Variants in RAD51B observed in about 807,000 individuals in gnomAD.
RAD51B encodes DNA repair protein RAD51 homolog 2.
RAD51B carries 38 observed loss-of-function variants against 42.2 expected under a neutral mutation model. That is an observed-to-expected ratio of 0.90 (90% CI 0.70 to 1.18). RAD51B has a LOEUF of 1.18. Among genes scored for constraint, RAD51B ranks in the 50% most tolerant of loss-of-function variants. The probability of loss-of-function intolerance (pLI) is 0.00; values close to 1 mark genes in which losing one functional copy is unlikely to be tolerated. For synonymous variants in RAD51B, 154 were observed against 145.2 expected, an observed-to-expected ratio of 1.06 and a Z score of -0.43; for missense variants, 373 against 400.7, an observed-to-expected ratio of 0.93 and a Z score of 0.59.
intron 7 of RAD51B, among the ~76,000 whole-genome samples, chr14:68,080,238 A>G (rs1437809272): frequency 6.6e-6 from 1 of 152,198 alleles, no homozygotes; most frequent in Admixed American, 6.5e-5. Context: ...GAATTTAAGG[A>G]TGAATGGGCT....
At chr14:68,088,541 A>G (rs1050748518) in intron 7 of RAD51B, among the ~76,000 whole-genome samples, 2 of 151,420 alleles carry the variant, frequency 1.3e-5, no homozygotes, top group Admixed American at 6.6e-5. Flanking sequence ...ATTTGCTGCT[A>G]TCAATTATGC....
chr14:68,319,680 A>G (rs1229151899), intron 8 of RAD51B, among the ~76,000 whole-genome samples: 1 of 152,170 alleles, frequency 6.6e-6, no homozygotes, highest in African/African-American at 2.4e-5. Flanking sequence ...GCTTTAACTC[A>G]GAGGATCAGG....
intron 10 of RAD51B, among the ~76,000 whole-genome samples, chr14:68,622,921 A>T (rs903090041): frequency 6.6e-6 from 1 of 151,992 alleles, no homozygotes; most frequent in Non-Finnish European, 1.5e-5. Context: ...ACCATGGAGA[A>T]CTCTGTAAAT....
At chr14:67,838,669 T>C (rs758524981) in intron 4 of RAD51B, among the ~76,000 whole-genome samples, 32 of 152,226 alleles carry the variant, frequency 2.1e-4, no homozygotes, top group Non-Finnish European at 3.8e-4. Flanking sequence ...GGTCTTGAAC[T>C]CCTGACCTCA....
At chr14:68,381,009 G>A (rs1013500389) in intron 8 of RAD51B, among the ~76,000 whole-genome samples, 3 of 152,202 alleles carry the variant, frequency 2.0e-5, no homozygotes, top group Non-Finnish European at 4.4e-5. Context: ...GCAGAATATA[G>A]AGCCATGAAT....
intron 9 of RAD51B, among the ~76,000 whole-genome samples, chr14:68,436,516 T>C (rs1359595601): frequency 6.6e-6 from 1 of 152,172 alleles, no homozygotes; most frequent in Non-Finnish European, 1.5e-5. Flanking sequence ...GCTTTTTGGT[T>C]CCATGTGAAT....
At chr14:68,461,339 A>G (rs1469414050) in intron 9 of RAD51B, among the ~76,000 whole-genome samples, 18 of 52,208 alleles carry the variant, frequency 3.4e-4, no homozygotes, top group East Asian at 9.8e-4. Flanking sequence ...ATGCAGGGAA[A>G]AAAAAAAAAA....
intron 10 of RAD51B, chr14:68,563,013 G>A: frequency 6.1e-6 from 6 of 985,420 alleles, no homozygotes; most frequent in Non-Finnish European, 7.2e-6. Context: ...TCACGGCTGG[G>A]CATGATGAGA....
intron 11 of RAD51B, among the ~76,000 whole-genome samples, chr14:68,663,082 C>A (rs1892965951): frequency 6.6e-6 from 1 of 152,232 alleles, no homozygotes; most frequent in Non-Finnish European, 1.5e-5. Flanking sequence ...GGGTGGATCA[C>A]CTGAGGTCCG....
chr14:67,831,860 A>G (rs1042209086), intron 3 of RAD51B, among the ~76,000 whole-genome samples: 4 of 152,028 alleles, frequency 2.6e-5, no homozygotes, highest in African/African-American at 9.7e-5. Flanking sequence ...TCTTTTTTTG[A>G]CTTACCGAAT....
At chr14:68,180,327 T>C (rs539350281) in intron 7 of RAD51B, among the ~76,000 whole-genome samples, 3 of 152,318 alleles carry the variant, frequency 2.0e-5, no homozygotes, top group Admixed American at 6.5e-5. Context: ...TGCTTACTAA[T>C]GGCTCAGTTT....
In RAD51B at chr14:68,292,038, T is replaced by G. The variant is rs2081527994; in HGVS notation, c.853+58T>G. 3.5e-6 allele frequency: 5 copies of G among 1,429,668 alleles called. No individual in the cohort carries two copies. In the Admixed American group the frequency reaches 5.0e-5, roughly 14 times the overall value. 88.6% of individuals were successfully genotyped at this position (1,429,668 alleles called of 1,614,324 possible). ...GACACTGACATAGAGCCCCACTGCC[T>G]CTCCACCTCCTGTTGAGAGCTGGGA... On this transcript the variant is annotated intron_variant, in intron 8 of 10. Coordinates refer to ENST00000471583, the MANE Select transcript of RAD51B (RefSeq NM_133510.4).
At chr14:68,292,134 G>T (rs17105332) in intron 8 of RAD51B, among the ~76,000 whole-genome samples, 154 bp downstream of exon 8, 2,827 of 152,256 alleles carry the variant, frequency 0.019, 73 homozygotes, top group African/African-American at 0.062. Flanking sequence ...CACCTTTCCT[G>T]GCATCTGATC....
At chr14:68,107,261 C>T (rs947542746) in intron 7 of RAD51B, among the ~76,000 whole-genome samples, 4 of 151,584 alleles carry the variant, frequency 2.6e-5, no homozygotes, top group African/African-American at 7.3e-5. Context: ...CATCAAAAAA[C>T]GTAAAATACT....
At chr14:68,366,437 T>C (rs1023323861) in intron 8 of RAD51B, among the ~76,000 whole-genome samples, 5 of 152,204 alleles carry the variant, frequency 3.3e-5, no homozygotes, top group Non-Finnish European at 5.9e-5. Flanking sequence ...TGAGACAAGA[T>C]GATGGATGGC....
At chr14:68,174,006 T>C (rs2078919275) in intron 7 of RAD51B, among the ~76,000 whole-genome samples, 2 of 152,334 alleles carry the variant, frequency 1.3e-5, no homozygotes, top group Admixed American at 6.5e-5. Context: ...GATTATTTCA[T>C]TGTGATGTTT....
Position 68,334,636 on chromosome 14 carries a change from A to AT in RAD51B, c.853+42664dup, listed in dbSNP as rs1184422644. Among the ~76,000 whole-genome samples the AT allele has an allele frequency of 4.6e-5, 7 of 151,826 alleles. No homozygotes were observed. In the East Asian group the frequency reaches 5.8e-4, roughly 13 times the overall value. ...GTGTTCCATTATGCATATAGGCCACATTTTTTTTATCCATTCATCTGTTGA... is the reference window on the plus strand; with the variant it reads ...GTGTTCCATTATGCATATAGGCCACATTTTTTTTTATCCATTCATCTGTTGA... On this transcript the variant is annotated intron_variant, in intron 8 of 10. Coordinates refer to ENST00000471583, the MANE Select transcript of RAD51B (RefSeq NM_133510.4).
At chr14:68,602,478 G>A (rs1022940335) in intron 10 of RAD51B, among the ~76,000 whole-genome samples, 2 of 149,948 alleles carry the variant, frequency 1.3e-5, no homozygotes, top group Non-Finnish European at 3.0e-5. Context: ...TGGGTGGGTG[G>A]GTGGATGGAT....
At chr14:68,512,510 T>G (rs553855548) in intron 10 of RAD51B, among the ~76,000 whole-genome samples, 5 of 152,330 alleles carry the variant, frequency 3.3e-5, no homozygotes, top group African/African-American at 1.2e-4. Flanking sequence ...TCTTTGTTTC[T>G]CATGGTTCAG....
Sources: allele counts gnomAD v4.1 joint callset (sites outside exome capture counted in the v4.1 genomes callset), GRCh38; gene constraint gnomAD v4.1.1; transcripts MANE v1.5; gene names NCBI Gene and HGNC (gene_info 2026-07-23, HGNC 2026-07-21).